The following RBP7 variants were observed in gnomAD, a reference collection of about 807,000 sequenced individuals.
The protein encoded by RBP7 is retinoid-binding protein 7.
RBP7 carries 13 observed loss-of-function variants against 16.7 expected under a neutral mutation model. That is an observed-to-expected ratio of 0.78 (90% confidence interval 0.51 to 1.24). The LOEUF is 1.24. RBP7 is among the 50% of genes most tolerant of loss of function. The probability of loss-of-function intolerance (pLI) is 0.00; values close to 1 mark genes in which losing one functional copy is unlikely to be tolerated. For missense variants in RBP7, 145 were observed against 159.5 expected, an observed-to-expected ratio of 0.91 and a Z score of 0.49; for synonymous variants, 54 against 56.2, an observed-to-expected ratio of 0.96 and a Z score of 0.17.
In RBP7 at chr1:10,015,969, G is replaced by A. The variant is rs1332176613; in HGVS notation, c.*137G>A. On this transcript the variant is annotated 3_prime_UTR_variant, in exon 4 of 4. Coordinates refer to ENST00000294435, the MANE Select transcript of RBP7 (RefSeq NM_052960.3). ...AGAGCCACACAGCGTGTAACCTGAAGTCATCTAGATTATGGGGAAACTGCT... is the reference window on the plus strand; with the variant it reads ...AGAGCCACACAGCGTGTAACCTGAAATCATCTAGATTATGGGGAAACTGCT... 8 of 713,410 alleles carry A rather than the reference G, an allele frequency of 1.1e-5. No individual in the cohort carries two copies. In the East Asian group the frequency reaches 1.9e-4, roughly 17 times the overall value. 44.2% of individuals were successfully genotyped at this position (713,410 alleles called of 1,614,324 possible). A position where few individuals can be genotyped will look rare whatever the true frequency, so the allele number is the denominator to read the frequency against.
At chr1:10,014,298 G>C (rs1018710031) in intron 3 of RBP7, among the ~76,000 whole-genome samples, 2 of 152,134 alleles carry the variant, frequency 1.3e-5, no homozygotes, top group African/African-American at 4.8e-5. Context: ...ATACATTGAG[G>C]TGCTGGGAGG....
At chr1:10,008,304 T>C (rs771872114) in intron 3 of RBP7, 30 bp downstream of exon 3, 4 of 1,411,848 alleles carry the variant, frequency 2.8e-6, no homozygotes, top group Non-Finnish European at 3.0e-6. Flanking sequence ...CTTAATGAGA[T>C]GATACAGTAT....
At chr1:9,998,693 G>C (rs1311542999) in intron 1 of RBP7, among the ~76,000 whole-genome samples, 1 of 151,970 alleles carries the variant, frequency 6.6e-6, no homozygotes, top group African/African-American at 2.4e-5. Flanking sequence ...CAGGCGTGAG[G>C]CACCGCACCG....
chr1:10,011,950 C>G (rs953674572), intron 3 of RBP7, among the ~76,000 whole-genome samples: 3 of 151,946 alleles, frequency 2.0e-5, no homozygotes, highest in African/African-American at 7.3e-5. Flanking sequence ...GCCTGTAATC[C>G]CAGCACTTTG....
intron 1 of RBP7, among the ~76,000 whole-genome samples, chr1:9,998,440 C>T (rs1257600886): frequency 2.3e-5 from 3 of 133,202 alleles, no homozygotes; most frequent in African/African-American, 8.7e-5. Flanking sequence ...CGGAGTCTCG[C>T]TCTGTTGCCC....
At chr1:9,998,407 C>CTTTTTTTTTTTTTTTTTTTTTTTTT (rs772810621) in intron 1 of RBP7, among the ~76,000 whole-genome samples, 2 of 121,588 alleles carry the variant, frequency 1.6e-5, no homozygotes, top group African/African-American at 3.3e-5. Context: ...TTCTTTCTTT[C>CTTTTTTTTTTTTTTTTTTTTTTTTT]TTTTTTTTTT....
intron 1 of RBP7, among the ~76,000 whole-genome samples, chr1:10,000,533 C>CA (rs1057004484): frequency 9.1e-5 from 13 of 143,508 alleles, no homozygotes; most frequent in African/African-American, 2.3e-4. Flanking sequence ...GACTTGGTCT[C>CA]AAAAAAAATA....
intron 1 of RBP7, among the ~76,000 whole-genome samples, chr1:10,002,355 A>G (rs1440432323): frequency 6.6e-6 from 1 of 151,896 alleles, no homozygotes; most frequent in Non-Finnish European, 1.5e-5. Context: ...TCTATTTAAC[A>G]TAATCTAGTA....
chr1:10,002,702 C>T (rs1642311388), intron 1 of RBP7, among the ~76,000 whole-genome samples: 1 of 151,936 alleles, frequency 6.6e-6, no homozygotes, highest in African/African-American at 2.4e-5. Flanking sequence ...TGCGGTTTCA[C>T]CATGTTGGCC....
At chr1:10,000,788 T>G (rs1253243800) in intron 1 of RBP7, among the ~76,000 whole-genome samples, 1 of 151,972 alleles carries the variant, frequency 6.6e-6, no homozygotes, top group Non-Finnish European at 1.5e-5. Flanking sequence ...CAGGCTAGAG[T>G]GCAGTGGTGC....
At chr1:10,012,268 C>G (rs1642644577) in intron 3 of RBP7, among the ~76,000 whole-genome samples, 1 of 149,614 alleles carries the variant, frequency 6.7e-6, no homozygotes, top group African/African-American at 2.5e-5. Context: ...GTAATCCCAG[C>G]TACTCAGGAG....
At chr1:10,007,885 G>GA (rs1004185637) in intron 2 of RBP7, 137 bp downstream of exon 2, 32 of 806,154 alleles carry the variant, frequency 4.0e-5, no homozygotes, top group Non-Finnish European at 6.0e-5. Context: ...TGTCTCTACA[G>GA]AAAAAAATTC....
intron 3 of RBP7, among the ~76,000 whole-genome samples, chr1:10,010,295 G>A (rs902945373): frequency 1.3e-5 from 2 of 150,374 alleles, no homozygotes; most frequent in African/African-American, 4.9e-5. Flanking sequence ...TTTGTATTTT[G>A]AGTAGAGACA....
chr1:10,001,179 T>G (rs979573475), intron 1 of RBP7, among the ~76,000 whole-genome samples: 1 of 152,134 alleles, frequency 6.6e-6, no homozygotes, highest in Admixed American at 6.6e-5. Flanking sequence ...AATCACTCCC[T>G]TTTGTCTAAA....
rs1488100431 is a variant in RBP7, at chr1:9,997,385, C to G, written c.73+54C>G. ...CGAGGCTCGCCGTGGGTCTCGGGATCAGGCGAAGGCGGCCGGGCCGGGCCT... is the reference window on the plus strand; with the variant it reads ...CGAGGCTCGCCGTGGGTCTCGGGATGAGGCGAAGGCGGCCGGGCCGGGCCT... On this transcript the variant is annotated intron_variant, in intron 1 of 3. Transcript: ENST00000294435. This position sits in a 1 kb window ranked among gnomAD's most constrained non-coding sequence, Gnocchi z 5.9. The G allele has an allele frequency of 8.3e-6, 13 of 1,559,736 alleles. No individual in the cohort carries two copies. The highest frequency in any genetic ancestry group is 1.4e-5 in the African/African-American group (1 of 72,970).
intron 3 of RBP7, among the ~76,000 whole-genome samples, chr1:10,012,628 A>G (rs1020326738): frequency 2.1e-5 from 3 of 145,806 alleles, no homozygotes; most frequent in Non-Finnish European, 1.5e-5. Flanking sequence ...CCTGTCTTTA[A>G]AAAAAAAAAA....
At chr1:10,011,685 G>A (rs1367361963) in intron 3 of RBP7, among the ~76,000 whole-genome samples, 1 of 152,110 alleles carries the variant, frequency 6.6e-6, no homozygotes, top group Non-Finnish European at 1.5e-5. Context: ...TTGGGTCTGG[G>A]TAGTCTTTGA....
At chr1:10,014,960 T>G (rs1442639608) in intron 3 of RBP7, among the ~76,000 whole-genome samples, 1 of 152,142 alleles carries the variant, frequency 6.6e-6, no homozygotes, top group Non-Finnish European at 1.5e-5. Context: ...TACTGGACAC[T>G]TGGTTGGTGT....
At chr1:10,009,634 C>G (rs531442038) in intron 3 of RBP7, among the ~76,000 whole-genome samples, 1 of 151,240 alleles carries the variant, frequency 6.6e-6, no homozygotes, top group African/African-American at 2.4e-5. Flanking sequence ...TGGGTTCAAG[C>G]GATCCTCCCA....
Sources: gnomAD v4.1 joint callset for allele counts (sites outside exome capture counted in the v4.1 genomes callset) on GRCh38, gnomAD v4.1.1 for gene constraint, Gnocchi (gnomAD v3.1) non-coding constraint, MANE v1.5 for transcripts, NCBI Gene and HGNC (gene_info 2026-07-23, HGNC 2026-07-21) for gene names.